ACOT11: variants seen among roughly 807,000 people sequenced by gnomAD.
The protein encoded by ACOT11 is acyl-CoA thioesterase 11, also known as acyl-coenzyme A thioesterase 11.
In ACOT11, 69 loss-of-function variants were observed where a neutral mutation model predicts 77.5. That is an observed-to-expected ratio of 0.89 (90% CI 0.73 to 1.09). The LOEUF (loss-of-function observed/expected upper bound fraction) is 1.09. Ranked by LOEUF, ACOT11 falls within the 50% of genes least tolerant of loss-of-function variation. ACOT11 has a pLI of 0.00. For missense variants in ACOT11, 766 were observed against 813.7 expected, an observed-to-expected ratio of 0.94 and a Z score of 0.71; for synonymous variants, 279 against 313.0, an observed-to-expected ratio of 0.89 and a Z score of 1.15.
chr1:54,599,759 C>T (rs1643941283), intron 8 of ACOT11: 1 of 168,074 alleles, frequency 5.9e-6, no homozygotes. Flanking sequence ...AGGGCCACTT[C>T]TTGCCAGTGT....
chr1:54,587,282 A>C (rs536775868), intron 3 of ACOT11, among the ~76,000 whole-genome samples: 2 of 152,028 alleles, frequency 1.3e-5, no homozygotes, highest in African/African-American at 4.8e-5. Flanking sequence ...TGGGGGGCCT[A>C]CGCGGGTGGA....
chr1:54,573,677 G>A (rs1482880494), intron 1 of ACOT11, among the ~76,000 whole-genome samples: 1 of 152,168 alleles, frequency 6.6e-6, no homozygotes, highest in Non-Finnish European at 1.5e-5. Context: ...AGGTTGCAGT[G>A]AGCCAAGATC....
intron 15 of ACOT11, chr1:54,616,112 G>A (rs1430237651): frequency 3.7e-6 from 6 of 1,614,046 alleles, no homozygotes; most frequent in Non-Finnish European, 5.1e-6. Flanking sequence ...GGGAACTCCT[G>A]TCTCATTGGC....
intron 7 of ACOT11, 91 bp downstream of exon 7, chr1:54,597,506 G>A: frequency 6.9e-7 from 1 of 1,455,030 alleles, no homozygotes; most frequent in South Asian, 1.4e-5. Flanking sequence ...CCCAGCTTGG[G>A]GTTGGCATTC....
chr1:54,560,533 G>A (rs1653431292), intron 1 of ACOT11, among the ~76,000 whole-genome samples: 1 of 152,182 alleles, frequency 6.6e-6, no homozygotes, highest in Admixed American at 6.5e-5. Context: ...TTAAGCATCT[G>A]TTTTTGTTTT....
At chr1:54,572,861 T>C (rs1448659691) in intron 1 of ACOT11, 2 of 916,532 alleles carry the variant, frequency 2.2e-6, no homozygotes, top group Non-Finnish European at 2.6e-6. Flanking sequence ...TGTGGCGGGC[T>C]GAGATTTCTG....
intron 1 of ACOT11, among the ~76,000 whole-genome samples, chr1:54,562,864 G>A (rs1241129264): frequency 2.4e-5 from 3 of 124,908 alleles, no homozygotes; most frequent in African/African-American, 9.4e-5. Context: ...CTGGGAAGAG[G>A]CGCTCCTCAC....
chr1:54,572,180 C>T (rs536135991), intron 1 of ACOT11, among the ~76,000 whole-genome samples: 1 of 147,920 alleles, frequency 6.8e-6, no homozygotes, highest in South Asian at 2.2e-4. Flanking sequence ...TCCTTCCCTC[C>T]TGTCTTTGAC....
In ACOT11 at chr1:54,594,588, AGAG is replaced by A. The variant is rs1290259142; in HGVS notation, c.508_510del (p.Glu170del). On this transcript the variant is annotated inframe_deletion, in exon 6 of 16. Coordinates refer to ENST00000343744, the MANE Select transcript of ACOT11 (RefSeq NM_147161.4). Reference sequence around the variant, plus strand: ...TGAAGCAGATCACGCCGCGGACAGAAGAGGAGAAGATGGAGCACAGTGTGGCGG... The same window carrying A: ...TGAAGCAGATCACGCCGCGGACAGAAGAGAAGATGGAGCACAGTGTGGCGG... 7.4e-6 allele frequency: 12 copies of A among 1,614,136 alleles called. No individual in the cohort carries two copies. The highest frequency in any genetic ancestry group is 2.2e-5 in the South Asian group (2 of 91,054).
intron 1 of ACOT11, among the ~76,000 whole-genome samples, chr1:54,556,303 C>A (rs145891073): frequency 6.6e-6 from 1 of 152,116 alleles, no homozygotes; most frequent in African/African-American, 2.4e-5. Context: ...TAGTATATTT[C>A]GAAATCAGGT....
chr1:54,593,458 G>GTTTTTT (rs35252763), intron 4 of ACOT11, among the ~76,000 whole-genome samples: 1 of 96,332 alleles, frequency 1.0e-5, no homozygotes, highest in East Asian at 2.9e-4. Context: ...TGTGTGTGTG[G>GTTTTTT]TTTTTTTTTT....
chr1:54,606,405 G>C (rs1424774763), intron 13 of ACOT11, among the ~76,000 whole-genome samples: 4 of 152,204 alleles, frequency 2.6e-5, no homozygotes, highest in African/African-American at 9.6e-5. Flanking sequence ...AGGGGAGTGG[G>C]GAGGAGGAGG....
At position 54,608,945 on chromosome 1, in the gene ACOT11, C is replaced by T; in HGVS notation, c.1630-12C>T. 1 of 1,613,074 alleles carries T rather than the reference C, an allele frequency of 6.2e-7. No individual in the cohort carries two copies. Among genetic ancestry groups the T allele is most frequent in the Non-Finnish European group, 8.5e-7 (1 of 1,179,394 alleles). On this transcript the variant is annotated splice_polypyrimidine_tract_variant and intron_variant, in intron 15 of 15. Transcript: ENST00000343744. ...AGCTTGGTCCCCCTGAGCTTGGCTTCCCACCCTGCAGGTATCCTACTACAA... is the reference window on the plus strand; with the variant it reads ...AGCTTGGTCCCCCTGAGCTTGGCTTTCCACCCTGCAGGTATCCTACTACAA...
downstream of ACOT11, chr1:54,614,719 TTGAGA>T (rs759822650): frequency 6.2e-7 from 1 of 1,613,848 alleles, no homozygotes. Flanking sequence ...TTGACCTCAG[TTGAGA>T]TGAGCATGTT....
chr1:54,607,293 G>A lies in ACOT11; in HGVS notation c.1502+28G>A. 6.2e-7 allele frequency: 1 copy of A among 1,612,362 alleles called. No homozygotes were observed. Among genetic ancestry groups the A allele is most frequent in the Non-Finnish European group, 8.5e-7 (1 of 1,178,748 alleles). On this transcript the variant is annotated intron_variant, in intron 14 of 15. Transcript: ENST00000343744. The surrounding 1 kb of genome is among the most constrained non-coding windows in gnomAD (Gnocchi z 4.5). ...GTGTGCCTATCTGCTGTGGGGTGGG[G>A]GACACAACTGGACAGGGTGGTAGGG... is the stretch of plus-strand genomic sequence containing the variant.
At chr1:54,585,167 C>A (rs191089118) in intron 2 of ACOT11, among the ~76,000 whole-genome samples, 1 of 152,176 alleles carries the variant, frequency 6.6e-6, no homozygotes, top group African/African-American at 2.4e-5. Flanking sequence ...TTGAGCAAAG[C>A]CCCTGACTGC....
At chr1:54,549,344 T>A (rs1264172418) in intron 1 of ACOT11, among the ~76,000 whole-genome samples, 1 of 152,172 alleles carries the variant, frequency 6.6e-6, no homozygotes, top group Non-Finnish European at 1.5e-5. Context: ...TGCCTCCCTT[T>A]TTCTTCCACC....
At chr1:54,578,815 G>T in intron 1 of ACOT11, among the ~76,000 whole-genome samples, 1 of 149,962 alleles carries the variant, frequency 6.7e-6, no homozygotes, top group African/African-American at 2.5e-5. Flanking sequence ...ATTTTTACTT[G>T]TAAAAATAAA....
chr1:54,559,606 T>C (rs926638269), intron 1 of ACOT11, among the ~76,000 whole-genome samples: 10 of 150,284 alleles, frequency 6.7e-5, no homozygotes, highest in East Asian at 5.9e-4. Flanking sequence ...TTTTTTTTTT[T>C]CCATCTCATG....
Sources: gnomAD v4.1 joint callset for allele counts (sites outside exome capture counted in the v4.1 genomes callset) on GRCh38, gnomAD v4.1.1 for gene constraint, Gnocchi (gnomAD v3.1) non-coding constraint, MANE v1.5 for transcripts, NCBI Gene and HGNC (gene_info 2026-07-23, HGNC 2026-07-21) for gene names.